Variants in POLE2 observed in about 807,000 individuals in gnomAD.
The protein encoded by POLE2 is DNA polymerase epsilon 2, accessory subunit.
In POLE2, 56 loss-of-function variants were observed where a neutral mutation model predicts 79.4. The observed-to-expected ratio is 0.71, with a 90% CI of 0.57 to 0.88. The LOEUF is 0.88. Ranked by LOEUF, POLE2 falls within the 40% of genes least tolerant of loss-of-function variation. POLE2 has a pLI of 0.00. For missense variants in POLE2, 598 were observed against 638.9 expected, an observed-to-expected ratio of 0.94 and a Z score of 0.69; for synonymous variants, 212 against 214.0, an observed-to-expected ratio of 0.99 and a Z score of 0.08.
At chr14:49,664,980 T>C in intron 8 of POLE2, 127 bp downstream of exon 8, 1 of 667,434 alleles carries the variant, frequency 1.5e-6, no homozygotes, top group Non-Finnish European at 2.7e-6. Flanking sequence ...TATCTCTACA[T>C]TCCTACACCA....
intron 5 of POLE2, 22 bp downstream of exon 5, chr14:49,674,101 C>G: frequency 1.5e-6 from 2 of 1,361,184 alleles, no homozygotes; most frequent in Non-Finnish European, 2.1e-6. Flanking sequence ...GTATCCTCCC[C>G]TCCGCCCCCT....
chr14:49,688,159 C>T lies in POLE2; in HGVS notation c.45G>A (p.Lys15=), dbSNP rs1477901291. 1 of 1,555,710 alleles carries T rather than the reference C, an allele frequency of 6.4e-7. No individual in the cohort carries two copies. Among genetic ancestry groups the T allele is most frequent in the South Asian group, 1.2e-5 (1 of 85,052 alleles). Residue 15 remains lysine, a synonymous_variant, in exon 1 of 19, where the codon AAG becomes AAA. Transcript: ENST00000216367. ...ACCCACGGAGCAGCAAGCCCCGCAA[C>T]TTGAAGGCGGAGAGCGCCCGGCTCC... is the stretch of plus-strand genomic sequence containing the variant. ...RLRSRALSAF[K]LRGLLLRGEA...
At chr14:49,652,154 A>G (rs1594631184) in intron 15 of POLE2, among the ~76,000 whole-genome samples, 1 of 83,700 alleles carries the variant, frequency 1.2e-5, no homozygotes. Flanking sequence ...CACTGCGTTA[A>G]GAATAGAATA....
intron 10 of POLE2, among the ~76,000 whole-genome samples, chr14:49,656,077 C>T (rs963057326): frequency 2.6e-5 from 4 of 152,216 alleles, no homozygotes; most frequent in South Asian, 2.1e-4. Flanking sequence ...ACTAAACGGC[C>T]GGGCACGGTG....
At chr14:49,677,741 C>A in intron 3 of POLE2, 2 of 1,356,518 alleles carry the variant, frequency 1.5e-6, no homozygotes, top group Non-Finnish European at 9.9e-7. Context: ...ACTCAGCATC[C>A]CACAAAGCCC....
At chr14:49,659,215 G>A (rs1170569833) in intron 10 of POLE2, among the ~76,000 whole-genome samples, 1 of 151,952 alleles carries the variant, frequency 6.6e-6, no homozygotes, top group South Asian at 2.1e-4. Flanking sequence ...CCAGGAGTTC[G>A]AGACCAGCCT....
At chr14:49,664,041 GAA>G (rs35626789) in intron 9 of POLE2, among the ~76,000 whole-genome samples, 23 of 116,926 alleles carry the variant, frequency 2.0e-4, no homozygotes, top group African/African-American at 3.5e-4. Flanking sequence ...CATCTCAAAA[GAA>G]AAAAAAAAAA....
At chr14:49,677,389 G>A (rs1886358376) in intron 3 of POLE2, 1 of 485,766 alleles carries the variant, frequency 2.1e-6, no homozygotes, top group Non-Finnish European at 3.8e-6. Flanking sequence ...AGCGGCTTGA[G>A]GCCATTCATG....
Position 49,658,093 on chromosome 14 carries a change from T to C in POLE2, c.756-2250A>G, listed in dbSNP as rs529621122. Among the ~76,000 whole-genome samples, 5 of 151,930 alleles carry C rather than the reference T, an allele frequency of 3.3e-5. No homozygotes were observed. The East Asian group carries it at 5.8e-4, about 18-fold the overall frequency. ...CTGGTCATCTTTTTTTTTTTTTCTTTTGAGACAGAGTCTCGCTCTGTCCCC... is the reference window on the plus strand; with the variant it reads ...CTGGTCATCTTTTTTTTTTTTTCTTCTGAGACAGAGTCTCGCTCTGTCCCC... On this transcript the variant is annotated intron_variant, in intron 10 of 18. Coordinates refer to ENST00000216367, the MANE Select transcript of POLE2 (RefSeq NM_002692.4).
At chr14:49,663,040 T>G (rs1885198896) in intron 10 of POLE2, among the ~76,000 whole-genome samples, 1 of 152,220 alleles carries the variant, frequency 6.6e-6, no homozygotes, top group Non-Finnish European at 1.5e-5. Flanking sequence ...TTATCTCACT[T>G]CAACTTCTCA....
intron 10 of POLE2, among the ~76,000 whole-genome samples, chr14:49,658,548 A>C (rs1884877529): frequency 6.6e-6 from 1 of 152,254 alleles, no homozygotes; most frequent in African/African-American, 2.4e-5. Flanking sequence ...ATTTTAGCAC[A>C]AATCTGTAAA....
At chr14:49,664,002 A>C (rs1448555434) in intron 9 of POLE2, among the ~76,000 whole-genome samples, 2 of 149,104 alleles carry the variant, frequency 1.3e-5, no homozygotes, top group African/African-American at 5.0e-5. Context: ...GTGCCATTGC[A>C]CTCCAGCCTG....
At chr14:49,663,105 A>G (rs1301254416) in intron 10 of POLE2, among the ~76,000 whole-genome samples, 1 of 152,206 alleles carries the variant, frequency 6.6e-6, no homozygotes, top group Non-Finnish European at 1.5e-5. Flanking sequence ...GCCGAAGTAC[A>G]AAGACGGTAT....
chr14:49,651,848 G>T (rs1285247093), intron 15 of POLE2, among the ~76,000 whole-genome samples: 1 of 152,058 alleles, frequency 6.6e-6, no homozygotes, highest in Non-Finnish European at 1.5e-5. Flanking sequence ...ACTTAGTCAA[G>T]CAGATACCCA....
chr14:49,668,725 G>C (rs543511789), intron 6 of POLE2, among the ~76,000 whole-genome samples: 4 of 152,250 alleles, frequency 2.6e-5, no homozygotes, highest in African/African-American at 4.8e-5. Flanking sequence ...ACCTAATATA[G>C]AAAACATATA....
At chr14:49,677,219 T>C in intron 3 of POLE2, 1 of 816,536 alleles carries the variant, frequency 1.2e-6, no homozygotes, top group South Asian at 1.5e-5. Flanking sequence ...ATCCTTTACC[T>C]CACGGCTTAC....
intron 18 of POLE2, chr14:49,646,631 T>C (rs1036026109): frequency 4.6e-5 from 7 of 152,182 alleles, no homozygotes; most frequent in Admixed American, 4.6e-4. Flanking sequence ...TGGGCACTTG[T>C]TCTTAACCAG....
At chr14:49,683,388 C>T (rs567945225) in intron 2 of POLE2, among the ~76,000 whole-genome samples, 8 of 150,618 alleles carry the variant, frequency 5.3e-5, no homozygotes, top group Middle Eastern at 3.4e-3. Context: ...GGCAACAGAG[C>T]GAGACTCCAT....
At chr14:49,656,203 A>T (rs1884658519) in intron 10 of POLE2, among the ~76,000 whole-genome samples, 1 of 152,050 alleles carries the variant, frequency 6.6e-6, no homozygotes, top group African/African-American at 2.4e-5. Context: ...ACAATACAAA[A>T]AATTAGCCGG....
Sources: gnomAD v4.1 joint callset for allele counts (sites outside exome capture counted in the v4.1 genomes callset) on GRCh38, gnomAD v4.1.1 for gene constraint, MANE v1.5 for transcripts, NCBI Gene and HGNC (gene_info 2026-07-23, HGNC 2026-07-21) for gene names.